The following EBF1 variants were observed in gnomAD, a reference collection of about 807,000 sequenced individuals.
EBF1 encodes EBF transcription factor 1, also known as transcription factor COE1.
A neutral mutation model predicts 68.4 loss-of-function variants in EBF1; 10 were observed. The observed-to-expected ratio is 0.15, with a 90% CI of 0.09 to 0.25. EBF1 has a LOEUF of 0.25. EBF1 is among the 10% of genes least tolerant of loss of function. EBF1 has a pLI of 1.00. For synonymous variants in EBF1, 298 were observed against 299.8 expected (o/e 0.99, Z 0.06); for missense variants, 509 against 794.4 (o/e 0.64, Z 4.32).
At chr5:158,931,290 T>C (rs1320219776) in intron 6 of EBF1, among the ~76,000 whole-genome samples, 1 of 152,218 alleles carries the variant, frequency 6.6e-6, no homozygotes, top group African/African-American at 2.4e-5. Context: ...ACTCCACACT[T>C]ATTTACTGAC....
At chr5:159,048,701 AC>A (rs1772942581) in intron 6 of EBF1, among the ~76,000 whole-genome samples, 1 of 152,020 alleles carries the variant, frequency 6.6e-6, no homozygotes, top group African/African-American at 2.4e-5. Flanking sequence ...CATATAAACT[AC>A]CTGCATCCAA....
At chr5:158,894,410 T>C (rs2127252065) in intron 6 of EBF1, among the ~76,000 whole-genome samples, 1 of 152,270 alleles carries the variant, frequency 6.6e-6, no homozygotes, top group South Asian at 2.1e-4. Context: ...AAATAAAAAG[T>C]AAAATCTTTT....
At chr5:158,857,174 C>G (rs368515107) in intron 6 of EBF1, among the ~76,000 whole-genome samples, 3 of 151,550 alleles carry the variant, frequency 2.0e-5, no homozygotes, top group Non-Finnish European at 2.9e-5. Context: ...CCTCAGCACC[C>G]CTTCTGCTTG....
chr5:158,907,590 T>C (rs936985344), intron 6 of EBF1, among the ~76,000 whole-genome samples: 1 of 152,190 alleles, frequency 6.6e-6, no homozygotes, highest in African/African-American at 2.4e-5. Context: ...AACCTTCCTA[T>C]TCTCATGGGT....
intron 10 of EBF1, among the ~76,000 whole-genome samples, chr5:158,744,705 A>C (rs1581524550): frequency 6.6e-6 from 1 of 152,328 alleles, no homozygotes; most frequent in Middle Eastern, 3.4e-3. Flanking sequence ...GCCATACAAG[A>C]AAGCGTGGAG....
At chr5:159,064,899 C>CTT (rs57256923) in intron 6 of EBF1, among the ~76,000 whole-genome samples, 7,366 of 67,958 alleles carry the variant, frequency 0.11, 546 homozygotes, top group African/African-American at 0.11. Context: ...CTCTTTTCAT[C>CTT]TTTTTTTTTT....
chr5:159,095,243 G>C (rs527652355), intron 4 of EBF1, among the ~76,000 whole-genome samples: 1 of 151,594 alleles, frequency 6.6e-6, no homozygotes, highest in Non-Finnish European at 1.5e-5. Flanking sequence ...TCTGCTTCCC[G>C]GGGAGGCCTG....
At chr5:158,705,515 G>T (rs1757683638) in intron 15 of EBF1, among the ~76,000 whole-genome samples, 1 of 152,194 alleles carries the variant, frequency 6.6e-6, no homozygotes, top group Non-Finnish European at 1.5e-5. Context: ...GAGAAATGGG[G>T]ACAGTCTCTG....
At chr5:159,093,140 T>A (rs1781955117) in intron 4 of EBF1, among the ~76,000 whole-genome samples, 1 of 152,210 alleles carries the variant, frequency 6.6e-6, no homozygotes. Flanking sequence ...ATCTATCTGC[T>A]TTTTGGAGGC....
At chr5:158,816,761 C>G (rs10043333) in intron 8 of EBF1, among the ~76,000 whole-genome samples, 5,843 of 151,710 alleles carry the variant, frequency 0.039, 366 homozygotes, top group African/African-American at 0.13. Flanking sequence ...AAGCCACTTA[C>G]GAAAAACTAA....
intron 15 of EBF1, among the ~76,000 whole-genome samples, chr5:158,700,416 G>T (rs1208094128): frequency 6.6e-6 from 1 of 151,992 alleles, no homozygotes; most frequent in Non-Finnish European, 1.5e-5. Context: ...TCTTTTTATG[G>T]CAAATCTAAA....
intron 10 of EBF1, among the ~76,000 whole-genome samples, chr5:158,748,248 C>CA (rs1296688277): frequency 5.9e-5 from 9 of 152,092 alleles, no homozygotes; most frequent in South Asian, 2.1e-4. Context: ...ACATCACCCA[C>CA]AAAAAACATG....
At chr5:158,800,162 C>T (rs1001611740) in intron 8 of EBF1, among the ~76,000 whole-genome samples, 1 of 152,100 alleles carries the variant, frequency 6.6e-6, no homozygotes, top group African/African-American at 2.4e-5. Context: ...CATTAAAATA[C>T]ACAAAACAAT....
intron 11 of EBF1, 106 bp from the exon 12 acceptor site, chr5:158,714,288 G>A: frequency 3.9e-6 from 5 of 1,292,736 alleles, no homozygotes; most frequent in Non-Finnish European, 5.6e-6. Flanking sequence ...CCAAGGCACT[G>A]CTATAAAGGC....
At chr5:158,758,006 C>A (rs1296639631) in intron 10 of EBF1, among the ~76,000 whole-genome samples, 1 of 152,158 alleles carries the variant, frequency 6.6e-6, no homozygotes, top group East Asian at 1.9e-4. Context: ...CACTTAAAGT[C>A]TTTAATAACA....
chr5:158,727,062 T>C (rs766352211), intron 11 of EBF1, among the ~76,000 whole-genome samples: 11 of 152,194 alleles, frequency 7.2e-5, no homozygotes, highest in Non-Finnish European at 1.5e-4. Flanking sequence ...ACCTGAAGCA[T>C]GGGAGGTTGA....
intron 6 of EBF1, among the ~76,000 whole-genome samples, chr5:158,930,589 A>C (rs1013021134): frequency 1.2e-4 from 18 of 152,216 alleles, no homozygotes; most frequent in African/African-American, 4.8e-5. Flanking sequence ...TTTTTCTTTA[A>C]AATGGTTCCA....
intron 8 of EBF1, among the ~76,000 whole-genome samples, chr5:158,815,751 C>A (rs528007491): frequency 2.0e-5 from 3 of 152,118 alleles, no homozygotes; most frequent in Admixed American, 2.0e-4. Context: ...TTAGGATTTC[C>A]GGTGTTACCT....
chr5:158,936,789 G>A (rs1475347906), intron 6 of EBF1, among the ~76,000 whole-genome samples: 1 of 152,122 alleles, frequency 6.6e-6, no homozygotes, highest in East Asian at 1.9e-4. Flanking sequence ...ACTTCCCCCA[G>A]TATGAGCCAT....
Sources: allele counts gnomAD v4.1 joint callset (sites outside exome capture counted in the v4.1 genomes callset), GRCh38; gene constraint gnomAD v4.1.1; transcripts MANE v1.5; gene names NCBI Gene and HGNC (gene_info 2026-07-23, HGNC 2026-07-21).